SHISA6: variants seen among roughly 807,000 people sequenced by gnomAD.
SHISA6 encodes the protein protein shisa-6.
In SHISA6, 22 loss-of-function variants were observed where a neutral mutation model predicts 47.9. That is an observed-to-expected ratio of 0.46 (90% confidence interval 0.33 to 0.66). SHISA6 has a LOEUF of 0.66. Ranked by LOEUF, SHISA6 falls within the 30% of genes least tolerant of loss-of-function variation. The probability of loss-of-function intolerance (pLI) is 0.02; values close to 1 mark genes in which losing one functional copy is unlikely to be tolerated. For synonymous variants in SHISA6, 388 were observed against 337.8 expected, an observed-to-expected ratio of 1.15 and a Z score of -1.63; for missense variants, 680 against 764.6, an observed-to-expected ratio of 0.89 and a Z score of 1.30.
At position 11,555,892 on chromosome 17, in the gene SHISA6, A is replaced by G; in HGVS notation, c.1105A>G (p.Thr369Ala). 6 of 1,520,892 alleles carry G rather than the reference A, an allele frequency of 3.9e-6. No homozygotes were observed. The highest frequency in any genetic ancestry group is 5.3e-6 in the Non-Finnish European group (6 of 1,132,056). The allele number at this position is 1,520,892 out of a possible 1,614,324, so 94.2% of individuals were successfully genotyped here. Reference protein sequence around the residue: ...PSKYSSLKRLTDKEADEYYMR... With the variant: ...PSKYSSLKRLADKEADEYYMR... Reference sequence around the variant, plus strand: ...CAAGTATTCATCTCTGAAGAGGCTAAGTAAGTTGAATTTCCCCCAAGTTGG... The same window carrying G: ...CAAGTATTCATCTCTGAAGAGGCTAGGTAAGTTGAATTTCCCCCAAGTTGG... Residue 369 changes from threonine (T) to alanine (A), a missense_variant and splice_region_variant, in exon 5 of 6, where the codon ACC becomes GCC. Around this residue, in one of 2 missense-constraint regions of SHISA6, gnomAD observed 559 missense variants for 674.1 expected, o/e 0.83. Coordinates refer to ENST00000441885, the MANE Select transcript of SHISA6 (RefSeq NM_207386.4).
chr17:11,429,583 C>T (rs1368525459), intron 3 of SHISA6, among the ~76,000 whole-genome samples: 1 of 149,416 alleles, frequency 6.7e-6, no homozygotes, highest in Non-Finnish European at 1.5e-5. Context: ...GAGTTCAAGA[C>T]CAGCCTGACC....
In SHISA6 at chr17:11,426,026, A is replaced by G. The variant is rs1310588722; in HGVS notation, c.895+46517A>G. ...ATGAGCACAAATTCACCTCAACCATATAAGCTAAGAGTAAGGGTGAGTGTT... is the reference window on the plus strand; with the variant it reads ...ATGAGCACAAATTCACCTCAACCATGTAAGCTAAGAGTAAGGGTGAGTGTT... On this transcript the variant is annotated intron_variant, in intron 3 of 5. Coordinates refer to ENST00000441885, the MANE Select transcript of SHISA6 (RefSeq NM_207386.4). 2.6e-5 allele frequency among the ~76,000 whole-genome samples: 4 copies of G among 152,174 alleles called. No homozygotes were observed. The East Asian group carries it at 7.7e-4, about 29-fold the overall frequency.
intron 3 of SHISA6, among the ~76,000 whole-genome samples, chr17:11,463,386 A>G (rs541914336): frequency 3.3e-5 from 5 of 152,318 alleles, no homozygotes; most frequent in African/African-American, 1.2e-4. Flanking sequence ...TGAATCTTTT[A>G]AAAGGTTTTT....
intron 2 of SHISA6, among the ~76,000 whole-genome samples, chr17:11,324,060 A>G (rs1228217047): frequency 1.3e-5 from 2 of 152,022 alleles, no homozygotes; most frequent in Non-Finnish European, 2.9e-5. Flanking sequence ...ATGCACCCCT[A>G]TTTCACGGAA....
intron 2 of SHISA6, among the ~76,000 whole-genome samples, chr17:11,372,278 T>A (rs1374823107): frequency 6.6e-6 from 1 of 152,138 alleles, no homozygotes; most frequent in African/African-American, 2.4e-5. Context: ...AGGGCATGTA[T>A]GTAAGGTAAA....
At chr17:11,247,617 T>TGGGA (rs919613029) in intron 1 of SHISA6, among the ~76,000 whole-genome samples, 9 of 152,126 alleles carry the variant, frequency 5.9e-5, no homozygotes, top group Non-Finnish European at 1.2e-4. Context: ...TTGGTGGTGG[T>TGGGA]GGGAGGGGTT....
In SHISA6 at chr17:11,317,527, GGTT is replaced by G. The variant is rs540876334; in HGVS notation, c.799+54005_799+54007del. Among the ~76,000 whole-genome samples, 973 of 151,510 alleles carry G rather than the reference GGTT, an allele frequency of 6.4e-3. 4 individuals are homozygous for G. Among genetic ancestry groups the G allele is most frequent in the Non-Finnish European group, 0.011 (730 of 67,846 alleles). ...ATAAATACACATATGTATATTTGGT[GGTT>G]GTTTGTTTTTACTTCTTAGGAATCC... On this transcript the variant is annotated intron_variant, in intron 2 of 5. Transcript: ENST00000441885.
chr17:11,267,521 G>C (rs1455668121), intron 2 of SHISA6, among the ~76,000 whole-genome samples: 1 of 152,046 alleles, frequency 6.6e-6, no homozygotes, highest in Non-Finnish European at 1.5e-5. Context: ...TAATTTACTT[G>C]GTCTATAGTA....
intron 3 of SHISA6, among the ~76,000 whole-genome samples, chr17:11,419,563 T>A (rs1347642256): frequency 6.6e-6 from 1 of 152,204 alleles, no homozygotes; most frequent in Non-Finnish European, 1.5e-5. Context: ...GCAGTGGAAA[T>A]GCTTTTGTGT....
intron 3 of SHISA6, among the ~76,000 whole-genome samples, chr17:11,429,814 CCAAT>C (rs63144462): frequency 0.17 from 24,917 of 148,958 alleles, 2,261 homozygotes; most frequent in African/African-American, 0.23. Flanking sequence ...ATAAATAAAT[CCAAT>C]CAATCAATCA....
At chr17:11,484,564 C>A (rs1187095577) in intron 3 of SHISA6, among the ~76,000 whole-genome samples, 1 of 152,132 alleles carries the variant, frequency 6.6e-6, no homozygotes, top group Non-Finnish European at 1.5e-5. Context: ...CCACGCCCAG[C>A]TAATTTTTGT....
intron 2 of SHISA6, among the ~76,000 whole-genome samples, chr17:11,359,006 A>G (rs986165121): frequency 6.6e-6 from 1 of 152,172 alleles, no homozygotes; most frequent in African/African-American, 2.4e-5. Context: ...CATGTGATGT[A>G]CATACCACAT....
At chr17:11,499,322 T>C (rs1597552766) in intron 3 of SHISA6, among the ~76,000 whole-genome samples, 1 of 152,164 alleles carries the variant, frequency 6.6e-6, no homozygotes, top group Non-Finnish European at 1.5e-5. Context: ...ATGACGCCAC[T>C]TGGGGAGTGG....
chr17:11,346,192 T>A (rs754045056), intron 2 of SHISA6, among the ~76,000 whole-genome samples: 6 of 152,192 alleles, frequency 3.9e-5, no homozygotes, highest in Non-Finnish European at 8.8e-5. Flanking sequence ...TTTTTCTGCA[T>A]CTTTTGAGAT....
At chr17:11,334,748 C>T (rs1446098170) in intron 2 of SHISA6, among the ~76,000 whole-genome samples, 1 of 152,196 alleles carries the variant, frequency 6.6e-6, no homozygotes, top group Non-Finnish European at 1.5e-5. Flanking sequence ...GCCCCTGGTG[C>T]TCTGAGAAGG....
In SHISA6 at chr17:11,558,066, G is replaced by A. The variant is rs374985257; in HGVS notation, c.1418G>A (p.Arg473Lys). 2.9e-5 allele frequency: 45 copies of A among 1,551,528 alleles called. No individual in the cohort carries two copies. The highest frequency in any genetic ancestry group is 3.5e-5 in the Non-Finnish European group (40 of 1,147,008). Reference protein sequence around the residue: ...RTAFPEQSLSRAISHTDVFVS... With the variant: ...RTAFPEQSLSKAISHTDVFVS... Reference sequence around the variant, plus strand: ...GCCTTTCCCGAGCAGTCGCTGTCCAGGGCCATCTCGCACACGGACGTCTTT... The same window carrying A: ...GCCTTTCCCGAGCAGTCGCTGTCCAAGGCCATCTCGCACACGGACGTCTTT... The change falls in exon 6 of 6, where the codon AGG (arginine) becomes AAG (lysine). Residue 473 changes from arginine (R) to lysine (K), a missense_variant. Transcript: ENST00000441885.
chr17:11,461,409 A>AAC (rs1216937400), intron 3 of SHISA6, among the ~76,000 whole-genome samples: 1 of 149,176 alleles, frequency 6.7e-6, no homozygotes, highest in African/African-American at 2.6e-5. Flanking sequence ...AAAAAAAAAA[A>AAC]AAAAAAAAAA....
intron 2 of SHISA6, among the ~76,000 whole-genome samples, chr17:11,308,546 A>G (rs1910209397): frequency 1.3e-5 from 2 of 152,164 alleles, no homozygotes; most frequent in Admixed American, 6.5e-5. Flanking sequence ...GCTTTATTAA[A>G]TAACTCACTA....
At chr17:11,363,390 T>G (rs1912349048) in intron 2 of SHISA6, among the ~76,000 whole-genome samples, 1 of 152,176 alleles carries the variant, frequency 6.6e-6, no homozygotes, top group Non-Finnish European at 1.5e-5. Flanking sequence ...TAGATGGGAT[T>G]AGACTAGTCT....
Sources: allele counts gnomAD v4.1 joint callset (sites outside exome capture counted in the v4.1 genomes callset), GRCh38; gene constraint gnomAD v4.1.1; regional missense constraint gnomAD v4.1.1; transcripts MANE v1.5; gene names NCBI Gene and HGNC (gene_info 2026-07-23, HGNC 2026-07-21).